The following OPCML variants were observed in gnomAD, a reference collection of about 807,000 sequenced individuals.
OPCML encodes opioid binding protein/cell adhesion molecule like, also known as opioid-binding protein/cell adhesion molecule.
OPCML carries 13 observed loss-of-function variants against 37.8 expected under a neutral mutation model. That is an observed-to-expected ratio of 0.34 (90% CI 0.22 to 0.55). The LOEUF is 0.55. Among genes scored for constraint, OPCML ranks in the 20% least tolerant of loss-of-function variants. The pLI is 0.91. For synonymous variants in OPCML, 176 were observed against 168.8 expected (o/e 1.04, Z -0.33); for missense variants, 341 against 435.6 (o/e 0.78, Z 1.93).
At chr11:132,823,133 A>AGTCTACCTGGCCATCCTGC (rs1161899678) in intron 2 of OPCML, among the ~76,000 whole-genome samples, 1 of 152,156 alleles carries the variant, frequency 6.6e-6, no homozygotes, top group Non-Finnish European at 1.5e-5. Context: ...AGGGCACCTG[A>AGTCTACCTGGCCATCCTGC]GTCTACCTGG....
chr11:133,288,739 T>A (rs1942373214), intron 1 of OPCML, among the ~76,000 whole-genome samples: 1 of 152,210 alleles, frequency 6.6e-6, no homozygotes, highest in Non-Finnish European at 1.5e-5. Flanking sequence ...TTTTGTTTTT[T>A]CAAATCTCCC....
intron 4 of OPCML, among the ~76,000 whole-genome samples, chr11:132,492,529 G>A (rs528468231): frequency 6.6e-6 from 1 of 152,186 alleles, no homozygotes; most frequent in East Asian, 1.9e-4. Flanking sequence ...TGTCGTTGTT[G>A]TTGTTGTTTT....
intron 1 of OPCML, chr11:133,009,246 C>A (rs559812053): frequency 1.4e-5 from 14 of 984,880 alleles, no homozygotes; most frequent in African/African-American, 7.0e-5. Context: ...TGCAAGAAAA[C>A]GGACATAAAT....
At chr11:133,020,254 G>A (rs1469161111) in intron 1 of OPCML, among the ~76,000 whole-genome samples, 1 of 152,180 alleles carries the variant, frequency 6.6e-6, no homozygotes, top group Admixed American at 6.5e-5. Flanking sequence ...TCTCAATGAG[G>A]CAGGCCTGAG....
Position 133,210,396 on chromosome 11 carries a change from C to G in OPCML, c.62-267386G>C, listed in dbSNP as rs1046200658. On this transcript the variant is annotated intron_variant, in intron 1 of 7. Transcript: ENST00000524381. ...TCCCCTCTTTCTCCCGCCAGCCCCT[C>G]CCTTCTCTCTCCCTCTTCCCAGGTT... Among the ~76,000 whole-genome samples the G allele has an allele frequency of 7.2e-5, 11 of 152,296 alleles. 1 individual carries two copies. In the East Asian group the frequency reaches 1.2e-3, roughly 16 times the overall value.
At chr11:133,183,237 TA>T (rs1937918919) in intron 1 of OPCML, among the ~76,000 whole-genome samples, 1 of 152,128 alleles carries the variant, frequency 6.6e-6, no homozygotes, top group Non-Finnish European at 1.5e-5. Context: ...CTGCCAAAAG[TA>T]AATAAGAAAC....
At chr11:133,078,176 G>A (rs958380344) in intron 1 of OPCML, among the ~76,000 whole-genome samples, 1 of 152,182 alleles carries the variant, frequency 6.6e-6, no homozygotes, top group African/African-American at 2.4e-5. Context: ...TGCACACCAA[G>A]CAGGGGTGTG....
chr11:132,888,229 C>A (rs113799367), intron 2 of OPCML, among the ~76,000 whole-genome samples: 290 of 152,302 alleles, frequency 1.9e-3, no homozygotes, highest in African/African-American at 6.4e-3. Flanking sequence ...GGACGTCTCA[C>A]CCCATACCAC....
At chr11:133,408,744 C>T (rs905950177) in intron 1 of OPCML, among the ~76,000 whole-genome samples, 1 of 152,180 alleles carries the variant, frequency 6.6e-6, no homozygotes, top group Non-Finnish European at 1.5e-5. Context: ...GAGAAAACCC[C>T]ACCAACACCA....
intron 1 of OPCML, among the ~76,000 whole-genome samples, chr11:133,345,850 T>C (rs926440763): frequency 2.0e-5 from 3 of 152,202 alleles, no homozygotes; most frequent in African/African-American, 4.8e-5. Flanking sequence ...TTCTGTCTGA[T>C]ACACTTCAAT....
At chr11:132,598,521 T>C (rs1281400108) in intron 3 of OPCML, among the ~76,000 whole-genome samples, 1 of 152,184 alleles carries the variant, frequency 6.6e-6, no homozygotes, top group Non-Finnish European at 1.5e-5. Flanking sequence ...ACATTCTTTT[T>C]AACAACAAAA....
At chr11:132,788,780 G>C (rs759335461) in intron 2 of OPCML, among the ~76,000 whole-genome samples, 2 of 152,186 alleles carry the variant, frequency 1.3e-5, no homozygotes, top group Non-Finnish European at 2.9e-5. Flanking sequence ...TACCTAGCTG[G>C]TAAGGGGCAG....
At chr11:132,610,084 A>G (rs554628508) in intron 3 of OPCML, among the ~76,000 whole-genome samples, 21 of 152,330 alleles carry the variant, frequency 1.4e-4, no homozygotes, top group Non-Finnish European at 2.9e-4. Context: ...GCTCTGTGTA[A>G]ATCAAGCAAC....
intron 2 of OPCML, among the ~76,000 whole-genome samples, chr11:132,892,816 C>T (rs1006620793): frequency 1.3e-5 from 2 of 152,082 alleles, no homozygotes; most frequent in African/African-American, 2.4e-5. Flanking sequence ...TGTTGCAATA[C>T]TGCTATTTAT....
Position 133,060,873 on chromosome 11 carries a change from T to C in OPCML, c.62-117863A>G, listed in dbSNP as rs145964675. Among the ~76,000 whole-genome samples, 537 of 152,342 alleles carry C rather than the reference T, an allele frequency of 3.5e-3. 2 individuals are homozygous for C. The highest frequency in any genetic ancestry group is 0.012 in the African/African-American group (498 of 41,584). The stretch of plus-strand genomic sequence containing the variant: ...GGCATCAGCCAGTGGGCCCATTGCC[T>C]CCAGGGCTGCAGAGACTGCTTTTCC... On this transcript the variant is annotated intron_variant, in intron 1 of 7. Coordinates refer to ENST00000524381, the MANE Select transcript of OPCML (RefSeq NM_001012393.5).
At chr11:132,753,083 T>A (rs1025378992) in intron 2 of OPCML, among the ~76,000 whole-genome samples, 23 of 152,058 alleles carry the variant, frequency 1.5e-4, no homozygotes, top group Admixed American at 1.4e-3. Flanking sequence ...AATTCCATGG[T>A]CACCTTCCTC....
intron 4 of OPCML, among the ~76,000 whole-genome samples, chr11:132,466,772 T>A: frequency 6.6e-6 from 1 of 152,146 alleles, no homozygotes; most frequent in Non-Finnish European, 1.5e-5. Context: ...GGCTGGAGCC[T>A]CGGGTCCGTG....
chr11:132,854,952 T>C (rs1225215577), intron 2 of OPCML, among the ~76,000 whole-genome samples: 1 of 152,238 alleles, frequency 6.6e-6, no homozygotes, highest in Non-Finnish European at 1.5e-5. Context: ...ATGGAAGGGA[T>C]TTAGTTTATA....
At chr11:132,761,317 G>T (rs539179029) in intron 2 of OPCML, among the ~76,000 whole-genome samples, 5 of 151,052 alleles carry the variant, frequency 3.3e-5, no homozygotes, top group African/African-American at 1.2e-4. Context: ...TATCTTTGTG[G>T]TGTTCTCTGT....
Sources: allele counts gnomAD v4.1 joint callset (sites outside exome capture counted in the v4.1 genomes callset), GRCh38; gene constraint gnomAD v4.1.1; transcripts MANE v1.5; gene names NCBI Gene and HGNC (gene_info 2026-07-23, HGNC 2026-07-21).